ZNF528: variants seen among roughly 807,000 people sequenced by gnomAD.
The protein encoded by ZNF528 is zinc finger protein 528.
ZNF528 carries 9 observed loss-of-function variants against 13.3 expected under a neutral mutation model. The observed-to-expected ratio is 0.67, with a 90% CI of 0.41 to 1.18. ZNF528 has a LOEUF of 1.18. Among genes scored for constraint, ZNF528 ranks in the 50% most tolerant of loss-of-function variants. ZNF528 has a pLI of 0.01. For missense variants in ZNF528, 858 were observed against 745.4 expected (o/e 1.15, Z -1.76); for synonymous variants, 264 against 254.3 (o/e 1.04, Z -0.36).
Position 52,416,272 on chromosome 19 carries a change from T to C in ZNF528, c.1420T>C (p.Phe474Leu), listed in dbSNP as rs1245853803. ...PYECKECGKV[F>L]RYKSSLTSHH... Reference sequence around the variant, plus strand: ...TGAATGTAAAGAATGTGGCAAAGTCTTCAGGTACAAGTCTTCTCTAACCAG... The same window carrying C: ...TGAATGTAAAGAATGTGGCAAAGTCCTCAGGTACAAGTCTTCTCTAACCAG... Residue 474 changes from phenylalanine (F) to leucine (L), a missense_variant, in exon 7 of 7, where the codon TTC becomes CTC. Coordinates refer to ENST00000360465, the MANE Select transcript of ZNF528 (RefSeq NM_032423.3). The C allele has an allele frequency of 6.2e-7, 1 of 1,614,130 alleles. No individual in the cohort carries two copies. Among genetic ancestry groups the C allele is most frequent in the East Asian group, 2.2e-5 (1 of 44,864 alleles).
At position 52,416,612 on chromosome 19, in the gene ZNF528, C is replaced by T; in HGVS notation, c.1760C>T (p.Thr587Ile). 1.2e-6 allele frequency: 2 copies of T among 1,614,180 alleles called. No individual in the cohort carries two copies. The highest frequency in any genetic ancestry group is 8.5e-7 in the Non-Finnish European group (1 of 1,180,022). ...HECKECGKIF[T>I]QKSSLTNHHR... is the part of the protein sequence containing the mutation. ...TGTAAAGAATGTGGCAAGATCTTCA[C>T]TCAGAAGTCTTCCCTCACCAATCAC... The change falls in exon 7 of 7, where the codon ACT (threonine) becomes ATT (isoleucine). Residue 587 changes from threonine to isoleucine, a missense_variant. By Grantham distance (89) the Thr-to-Ile change is moderately conservative. Transcript: ENST00000360465.
At chr19:52,410,954 CT>C (rs2058923573) in intron 6 of ZNF528, among the ~76,000 whole-genome samples, 1 of 152,180 alleles carries the variant, frequency 6.6e-6, no homozygotes, top group Non-Finnish European at 1.5e-5. Flanking sequence ...CCAAGAACTG[CT>C]TTCTATGGCC....
At chr19:52,408,924 T>G (rs945764524) in intron 6 of ZNF528, among the ~76,000 whole-genome samples, 1 of 152,184 alleles carries the variant, frequency 6.6e-6, no homozygotes, top group Non-Finnish European at 1.5e-5. Flanking sequence ...TGCTTTCATT[T>G]CATCTTGAAT....
At chr19:52,405,604 T>C (rs1298989381) in intron 4 of ZNF528, among the ~76,000 whole-genome samples, 1 of 152,218 alleles carries the variant, frequency 6.6e-6, no homozygotes, top group Non-Finnish European at 1.5e-5. Flanking sequence ...AGGTAGATAC[T>C]GGATATCACT....
In ZNF528 at chr19:52,416,257, G is replaced by C; in HGVS notation, c.1405G>C (p.Glu469Gln). Residue 469 changes from glutamate to glutamine, a missense_variant, in exon 7 of 7, where the codon GAA becomes CAA. Coordinates refer to ENST00000360465, the MANE Select transcript of ZNF528 (RefSeq NM_032423.3). ...HSGEKPYECK[E>Q]CGKVFRYKSS... ...TGGAGAGAAACCTTATGAATGTAAA[G>C]AATGTGGCAAAGTCTTCAGGTACAA... 1.9e-6 allele frequency: 3 copies of C among 1,613,992 alleles called. No homozygotes were observed. The highest frequency in any genetic ancestry group is 2.2e-5 in the South Asian group (2 of 91,074).
At position 52,416,817 on chromosome 19, in the gene ZNF528, G is replaced by T; in HGVS notation, c.*78G>T. The stretch of plus-strand genomic sequence containing the variant: ...CAACATCAGTGAGTCCATACTAAGT[G>T]GAAATCATATAAATGAAATGTATGT... On this transcript the variant is annotated 3_prime_UTR_variant, in exon 7 of 7. Coordinates refer to ENST00000360465, the MANE Select transcript of ZNF528 (RefSeq NM_032423.3). The T allele has an allele frequency of 7.2e-7, 1 of 1,397,416 alleles. No individual in the cohort carries two copies. Among genetic ancestry groups the T allele is most frequent in the Non-Finnish European group, 9.6e-7 (1 of 1,039,290 alleles). 86.6% of individuals were successfully genotyped at this position (1,397,416 alleles called of 1,614,324 possible).
At chr19:52,407,553 A>G (rs569762132) in intron 6 of ZNF528, among the ~76,000 whole-genome samples, 2 of 152,058 alleles carry the variant, frequency 1.3e-5, no homozygotes, top group East Asian at 2.0e-4. Context: ...AGGCAGGCAG[A>G]TCACTTGAGG....
rs1343349807 is a variant in ZNF528, at chr19:52,398,638, G to T, written c.-137+19G>T. 21 of 984,272 alleles carry T rather than the reference G, an allele frequency of 2.1e-5. No homozygotes were observed. The highest frequency in any genetic ancestry group is 3.5e-5 in the African/African-American group (2 of 57,234). 61.0% of individuals were successfully genotyped at this position (984,272 alleles called of 1,614,324 possible). Reference sequence around the variant, plus strand: ...GTAGAAGGTGAGTGAGGGGTTTGCAGAGGCACAGTGAAAGAAGGTGCCGAG... The same window carrying T: ...GTAGAAGGTGAGTGAGGGGTTTGCATAGGCACAGTGAAAGAAGGTGCCGAG... On this transcript the variant is annotated intron_variant, in intron 2 of 6. Transcript: ENST00000360465.
rs192833778 is a variant in ZNF528 at position 52,418,176 on chromosome 19, G to C, written c.*1437G>C. On this transcript the variant is annotated 3_prime_UTR_variant, in exon 7 of 7. Coordinates refer to ENST00000360465, the MANE Select transcript of ZNF528 (RefSeq NM_032423.3). The stretch of plus-strand genomic sequence containing the variant: ...ATTTTTGTATTTTTAGTAGAGATGG[G>C]GTTTCACCACGTTGGCCACACTGGT... 6.6e-6 allele frequency: 1 copy of C among 152,038 alleles called. No individual in the cohort carries two copies. The highest frequency in any genetic ancestry group is 1.5e-5 in the Non-Finnish European group (1 of 68,026). 9.4% of individuals were successfully genotyped at this position (152,038 alleles called of 1,614,324 possible).
intron 6 of ZNF528, among the ~76,000 whole-genome samples, chr19:52,408,894 A>G (rs116449924): frequency 0.017 from 2,646 of 152,228 alleles, 85 homozygotes; most frequent in African/African-American, 0.061. Context: ...TTTCATATGG[A>G]TTAAAGATAC....
At chr19:52,401,604 A>G (rs1334756662) in intron 2 of ZNF528, 81 bp from the exon 3 acceptor site, 1 of 1,140,720 alleles carries the variant, frequency 8.8e-7, no homozygotes, top group East Asian at 5.7e-5. Flanking sequence ...TTTTTAAAAT[A>G]AGTGCTTGAT....
intron 6 of ZNF528, chr19:52,414,879 T>G: frequency 3.6e-6 from 5 of 1,377,954 alleles, no homozygotes; most frequent in Non-Finnish European, 4.9e-6. Flanking sequence ...TCAGTCTCTG[T>G]TGTATTTCTC....
intron 6 of ZNF528, 25 bp downstream of exon 6, chr19:52,406,668 G>A: frequency 1.3e-6 from 2 of 1,589,470 alleles, no homozygotes; most frequent in Non-Finnish European, 8.5e-7. Context: ...GGGCAGAGTG[G>A]AGGCCCCATA....
chr19:52,401,227 G>A (rs568144399), intron 2 of ZNF528, among the ~76,000 whole-genome samples: 2 of 151,860 alleles, frequency 1.3e-5, no homozygotes, highest in South Asian at 2.1e-4. Flanking sequence ...CCACCTCCAC[G>A]TGTCCAAAAT....
chr19:52,415,070 A>G lies in ZNF528; in HGVS notation c.272-54A>G, dbSNP rs141077983. On this transcript the variant is annotated intron_variant, in intron 6 of 6. Coordinates refer to ENST00000360465, the MANE Select transcript of ZNF528 (RefSeq NM_032423.3). ...GCAGAATCTAGACCCTCTGTCAGAC[A>G]CTAAAGATGCCATTATCATGGGTTG... 1,671 of 1,611,270 alleles carry G rather than the reference A, an allele frequency of 1.0e-3. 14 individuals carry two copies. The African/African-American group carries it at 0.018, about 17-fold the overall frequency.
chr19:52,404,306 CA>C (rs1370560818), intron 4 of ZNF528, among the ~76,000 whole-genome samples: 2 of 151,588 alleles, frequency 1.3e-5, no homozygotes, highest in Non-Finnish European at 2.9e-5. Flanking sequence ...TGGCTCGCTG[CA>C]ACCTCCGCCT....
rs1428972066 is a variant in ZNF528, at chr19:52,415,678, A to G, written c.826A>G (p.Lys276Glu). 2 of 1,614,082 alleles carry G rather than the reference A, an allele frequency of 1.2e-6. No individual in the cohort carries two copies. The highest frequency in any genetic ancestry group is 1.3e-5 in the African/African-American group (1 of 74,956). The change falls in exon 7 of 7, where the codon AAG becomes GAG. Residue 276 changes from lysine (K) to glutamate (E), a missense_variant. Physicochemically the swap from Lys to Glu is moderately conservative, Grantham distance 56. Transcript: ENST00000360465. ...EKPYKCHECD[K>E]VFRSSSKLAQ... is the part of the protein sequence containing the mutation. Reference sequence around the variant, plus strand: ...GCCTTACAAATGTCATGAATGTGACAAGGTCTTTCGAAGCAGTTCAAAGCT... The same window carrying G: ...GCCTTACAAATGTCATGAATGTGACGAGGTCTTTCGAAGCAGTTCAAAGCT...
intron 4 of ZNF528, chr19:52,402,549 T>C (rs2058807634): frequency 6.4e-6 from 1 of 156,682 alleles, no homozygotes; most frequent in African/African-American, 2.4e-5. Context: ...ATTACAGGTA[T>C]GCACCACCAC....
intron 6 of ZNF528, among the ~76,000 whole-genome samples, chr19:52,410,351 G>T (rs140255702): frequency 2.0e-5 from 3 of 152,280 alleles, no homozygotes; most frequent in African/African-American, 4.8e-5. Flanking sequence ...GAAGGGTGGG[G>T]GTGATTGTCG....
Sources: gnomAD v4.1 joint callset for allele counts (sites outside exome capture counted in the v4.1 genomes callset) on GRCh38, gnomAD v4.1.1 for gene constraint, MANE v1.5 for transcripts, NCBI Gene and HGNC (gene_info 2026-07-23, HGNC 2026-07-21) for gene names.